The following NRCAM variants were observed in gnomAD, a reference collection of about 807,000 sequenced individuals.
The protein encoded by NRCAM is neuronal cell adhesion molecule.
In NRCAM, 83 loss-of-function variants were observed where a neutral mutation model predicts 156.5. That is an observed-to-expected ratio of 0.53 (90% CI 0.44 to 0.64). NRCAM has a LOEUF of 0.64. Among genes scored for constraint, NRCAM ranks in the 30% least tolerant of loss-of-function variants. NRCAM has a pLI of 0.00. For missense variants in NRCAM, 1,417 were observed against 1,597.3 expected, an observed-to-expected ratio of 0.89 and a Z score of 1.92; for synonymous variants, 538 against 563.9, an observed-to-expected ratio of 0.95 and a Z score of 0.65.
intron 3 of NRCAM, among the ~76,000 whole-genome samples, chr7:108,267,051 C>T (rs2097133922): frequency 6.6e-6 from 1 of 152,106 alleles, no homozygotes; most frequent in Admixed American, 6.5e-5. Flanking sequence ...CCAATTATTC[C>T]AATAGGGTGT....
chr7:108,253,325 G>C (rs1357048822), intron 3 of NRCAM, among the ~76,000 whole-genome samples: 1 of 152,192 alleles, frequency 6.6e-6, no homozygotes, highest in Non-Finnish European at 1.5e-5. Flanking sequence ...TATGGGAGCA[G>C]AAAGTAAGAT....
intron 3 of NRCAM, among the ~76,000 whole-genome samples, chr7:108,257,410 A>T (rs1441367912): frequency 6.6e-6 from 1 of 152,116 alleles, no homozygotes; most frequent in African/African-American, 2.4e-5. Flanking sequence ...AAATCAAGAC[A>T]CCTTTCAGAG....
chr7:108,241,000 ATTTGCC>A (rs979274092), intron 3 of NRCAM, among the ~76,000 whole-genome samples: 3 of 151,424 alleles, frequency 2.0e-5, no homozygotes, highest in Non-Finnish European at 4.4e-5. Flanking sequence ...ATTCTATTTC[ATTTGCC>A]TTTATCCACC....
chr7:108,217,530 C>G (rs2089949026), intron 11 of NRCAM, among the ~76,000 whole-genome samples: 1 of 152,134 alleles, frequency 6.6e-6, no homozygotes, highest in Non-Finnish European at 1.5e-5. Context: ...GCTGCCCCTT[C>G]CCCCAGGTGC....
Position 108,452,232 on chromosome 7 carries a change from T to C in NRCAM, c.-332+4011A>G, listed in dbSNP as rs557530235. Among the ~76,000 whole-genome samples the C allele has an allele frequency of 7.2e-5, 11 of 152,272 alleles. No homozygotes were observed. In the South Asian group the frequency reaches 2.3e-3, roughly 32 times the overall value. ...TGGTGATTGCTAGTGGGTAGGGGAA[T>C]TGGGGAGATGAGATGTTCTCACCAC... is the stretch of plus-strand genomic sequence containing the variant. On this transcript the variant is annotated intron_variant, in intron 1 of 32. Transcript: ENST00000379028.
chr7:108,423,073 G>T (rs1282030584), intron 1 of NRCAM, among the ~76,000 whole-genome samples: 1 of 152,036 alleles, frequency 6.6e-6, no homozygotes. Flanking sequence ...GAAGGGAGGG[G>T]GATATAGTTG....
At chr7:108,348,839 G>GTC (rs1340999435) in intron 2 of NRCAM, among the ~76,000 whole-genome samples, 10 of 150,954 alleles carry the variant, frequency 6.6e-5, no homozygotes, top group African/African-American at 1.5e-4. Context: ...GGAAGTGGAG[G>GTC]AAGCAGTGAG....
chr7:108,393,202 G>C (rs2099766478), intron 2 of NRCAM, among the ~76,000 whole-genome samples: 1 of 152,140 alleles, frequency 6.6e-6, no homozygotes, highest in Non-Finnish European at 1.5e-5. Context: ...CTTGAGCTGA[G>C]GTGGACTCTA....
At chr7:108,401,809 A>T (rs2099793541) in intron 1 of NRCAM, among the ~76,000 whole-genome samples, 1 of 152,166 alleles carries the variant, frequency 6.6e-6, no homozygotes, top group Admixed American at 6.5e-5. Flanking sequence ...ACTCCCTTGC[A>T]GGCTGGAGGC....
At chr7:108,408,305 A>G (rs563317165) in intron 1 of NRCAM, among the ~76,000 whole-genome samples, 2 of 152,362 alleles carry the variant, frequency 1.3e-5, no homozygotes, top group African/African-American at 2.4e-5. Context: ...ACTAGATTAA[A>G]TCCACAAACT....
intron 1 of NRCAM, among the ~76,000 whole-genome samples, chr7:108,400,462 A>T (rs1596485392): frequency 6.6e-6 from 1 of 152,202 alleles, no homozygotes; most frequent in East Asian, 1.9e-4. Flanking sequence ...GCTTTTAAAA[A>T]GTATCGATGG....
intron 11 of NRCAM, among the ~76,000 whole-genome samples, chr7:108,213,319 A>G (rs1407824289): frequency 6.6e-6 from 1 of 152,238 alleles, no homozygotes; most frequent in Admixed American, 6.5e-5. Context: ...CACAGGACCT[A>G]TAAAACAAAA....
intron 2 of NRCAM, among the ~76,000 whole-genome samples, chr7:108,335,888 G>C (rs572958942): frequency 1.8e-4 from 27 of 152,208 alleles, no homozygotes; most frequent in African/African-American, 6.5e-4. Context: ...ACAGTCAGTA[G>C]AAAGCACTAC....
rs117671415 is a variant in NRCAM, at chr7:108,429,365, T to C, written c.-332+26878A>G. 2.7e-3 allele frequency among the ~76,000 whole-genome samples: 417 copies of C among 152,306 alleles called. 2 individuals carry two copies. The highest frequency in any genetic ancestry group is 0.01 in the Middle Eastern group (3 of 294). ...CGCCACCACGCCTGGCTAATTTTTGTTTTATTAGTAGAGACATGGCTTTAC... is the reference window on the plus strand; with the variant it reads ...CGCCACCACGCCTGGCTAATTTTTGCTTTATTAGTAGAGACATGGCTTTAC... On this transcript the variant is annotated intron_variant, in intron 1 of 32. Coordinates refer to ENST00000379028, the MANE Select transcript of NRCAM (RefSeq NM_001037132.4).
intron 2 of NRCAM, among the ~76,000 whole-genome samples, chr7:108,394,359 G>C (rs2099770934): frequency 6.6e-6 from 1 of 152,160 alleles, no homozygotes. Flanking sequence ...CTGTGAACCT[G>C]TTTATGGATT....
chr7:108,413,544 G>A (rs539985399), intron 1 of NRCAM, among the ~76,000 whole-genome samples: 5 of 151,836 alleles, frequency 3.3e-5, no homozygotes, highest in Non-Finnish European at 4.4e-5. Flanking sequence ...ACCTCCTCCA[G>A]GAAGCCCTCC....
intron 1 of NRCAM, among the ~76,000 whole-genome samples, chr7:108,426,953 G>A (rs1034564905): frequency 6.6e-6 from 1 of 152,182 alleles, no homozygotes; most frequent in African/African-American, 2.4e-5. Flanking sequence ...GTGCAGTGGG[G>A]TACCAACTTT....
rs1562891130 is a variant in NRCAM at position 108,237,893 on chromosome 7, A to G, written c.107-124T>C. The G allele has an allele frequency of 1.2e-5, 8 of 640,112 alleles. No homozygotes were observed. In the Admixed American group the frequency reaches 1.9e-4, roughly 15 times the overall value. 39.7% of individuals were successfully genotyped at this position (640,112 alleles called of 1,614,324 possible). On this transcript the variant is annotated intron_variant, in intron 4 of 32. Coordinates refer to ENST00000379028, the MANE Select transcript of NRCAM (RefSeq NM_001037132.4). ...CATCTTGTCTATTTGATTTGATCTA[A>G]GAAAACCTGTATAGTGAAGGTTGAA...
intron 3 of NRCAM, among the ~76,000 whole-genome samples, chr7:108,299,432 G>C (rs1450404513): frequency 1.3e-5 from 2 of 152,072 alleles, no homozygotes; most frequent in Admixed American, 6.5e-5. Flanking sequence ...AAACCACAAT[G>C]ACACTACAGT....
Sources: allele counts gnomAD v4.1 joint callset (sites outside exome capture counted in the v4.1 genomes callset), GRCh38; gene constraint gnomAD v4.1.1; transcripts MANE v1.5; gene names NCBI Gene and HGNC (gene_info 2026-07-23, HGNC 2026-07-21).